DIAPH1: variants seen among roughly 807,000 people sequenced by gnomAD.
DIAPH1 encodes the protein protein diaphanous homolog 1.
A neutral mutation model predicts 140.7 loss-of-function variants in DIAPH1; 46 were observed. The ratio of observed to expected loss-of-function variants is 0.33; its 90% CI spans 0.26 to 0.42. The LOEUF is 0.42. DIAPH1 is among the 10% of genes least tolerant of loss of function. The probability of loss-of-function intolerance (pLI) is 1.00; values close to 1 mark genes in which losing one functional copy is unlikely to be tolerated. For missense variants in DIAPH1, 1,310 were observed against 1,558.7 expected (o/e 0.84, Z 2.69); for synonymous variants, 565 against 551.6 (o/e 1.02, Z -0.34).
chr5:141,580,993 TG>T, intron 7 of DIAPH1, 110 bp from the exon 8 acceptor site: 1 of 1,325,576 alleles, frequency 7.5e-7, no homozygotes, highest in Non-Finnish European at 1.1e-6. Context: ...ATTCCAGTGT[TG>T]AAGTCCCAAC....
Position 141,618,815 on chromosome 5 carries a change from C to T in DIAPH1, c.100G>A (p.Gly34Ser), listed in dbSNP as rs1297873125. Residue 34 changes from glycine (G) to serine (S), a missense_variant, in exon 1 of 28, where the codon GGC (glycine) becomes AGC (serine). By Grantham distance (56) the Gly-to-Ser change is moderately conservative. Transcript: ENST00000389054. ...DELPSAGGDG[G>S]KSKKFTLKRL... ...ACACTCACAAATTTCTTAGATTTGC[C>T]GCCGTCGCCGCCCGCCGAGGGCAGC... 4 of 1,546,130 alleles carry T rather than the reference C, an allele frequency of 2.6e-6. No homozygotes were observed. Among genetic ancestry groups the T allele is most frequent in the South Asian group, 2.4e-5 (2 of 83,068 alleles).
intron 16 of DIAPH1, among the ~76,000 whole-genome samples, chr5:141,572,819 T>C (rs1318313207): frequency 6.6e-6 from 1 of 150,740 alleles, no homozygotes; most frequent in Non-Finnish European, 1.5e-5. Context: ...GGAATTGGGA[T>C]AGGAGAGTGG....
intron 18 of DIAPH1, among the ~76,000 whole-genome samples, chr5:141,570,052 C>A (rs1330272317): frequency 4.0e-5 from 6 of 150,716 alleles, no homozygotes; most frequent in African/African-American, 1.5e-4. Flanking sequence ...TACCATATCC[C>A]AATTCATAAT....
At chr5:141,541,364 T>G (rs1470760940) in intron 18 of DIAPH1, among the ~76,000 whole-genome samples, 1 of 152,178 alleles carries the variant, frequency 6.6e-6, no homozygotes, top group Non-Finnish European at 1.5e-5. Flanking sequence ...AGATGTTTGC[T>G]CTCACTACTC....
chr5:141,563,310 G>A (rs1350345922), intron 18 of DIAPH1: 1 of 152,192 alleles, frequency 6.6e-6, no homozygotes, highest in African/African-American at 2.4e-5. Flanking sequence ...AACAGAAAAT[G>A]TTGAATTGTT....
In DIAPH1 at chr5:141,573,688, G is replaced by C. The variant is rs373520931; in HGVS notation, c.2162C>G (p.Pro721Arg). ...AGGTGGAGGGATTCCAGGACCACCA[G>C]GAAGAGGGGGAGGAGGAGGTGGCAT... ...AGMPPPPPPL[P>R]GGPGIPPPPP... The change falls in exon 16 of 28, where the codon CCT (proline) becomes CGT (arginine). Residue 721 changes from proline (P) to arginine (R), a missense_variant. By Grantham distance (103) the Pro-to-Arg change is moderately radical. Coordinates refer to ENST00000389054, the MANE Select transcript of DIAPH1 (RefSeq NM_005219.5). 1.9e-6 allele frequency: 3 copies of C among 1,605,456 alleles called. No homozygotes were observed. The highest frequency in any genetic ancestry group is 2.7e-5 in the African/African-American group (2 of 74,454).
chr5:141,543,683 G>A (rs2099890342), intron 18 of DIAPH1, among the ~76,000 whole-genome samples: 1 of 152,176 alleles, frequency 6.6e-6, no homozygotes, highest in African/African-American at 2.4e-5. Context: ...TAAGAAAGAT[G>A]TTTGGTAAGT....
chr5:141,614,801 C>A (rs560015258), intron 1 of DIAPH1, among the ~76,000 whole-genome samples: 2 of 128,442 alleles, frequency 1.6e-5, no homozygotes, highest in African/African-American at 6.6e-5. Context: ...ATAATCCTTG[C>A]GTTCATCATC....
intron 2 of DIAPH1, 25 bp downstream of exon 2, chr5:141,588,199 C>T: frequency 1.3e-6 from 2 of 1,599,750 alleles, no homozygotes; most frequent in Non-Finnish European, 1.7e-6. Context: ...CTAGAACATG[C>T]ACATGCTAAA....
rs1223524665 is a variant in DIAPH1 at position 141,529,198 on chromosome 5, C to T, written c.2752G>A (p.Ala918Thr). The T allele has an allele frequency of 6.2e-7, 1 of 1,614,138 alleles. No homozygotes were observed. The highest frequency in any genetic ancestry group is 8.5e-7 in the Non-Finnish European group (1 of 1,180,018). Residue 918 changes from alanine to threonine, a missense_variant, in exon 21 of 28, where the codon GCT (alanine) becomes ACT (threonine). Physicochemically the swap from Ala to Thr is moderately conservative, Grantham distance 58. Coordinates refer to ENST00000389054, the MANE Select transcript of DIAPH1 (RefSeq NM_005219.5). ...SELKDEYDDL[A>T]ESEQFGVVMG... is the part of the protein sequence containing the mutation. Reference sequence around the variant, plus strand: ...ACCACGCCAAACTGCTCTGACTCAGCCAGGTCATCATATTCATCCTTCAGT... The same window carrying T: ...ACCACGCCAAACTGCTCTGACTCAGTCAGGTCATCATATTCATCCTTCAGT...
chr5:141,527,508 C>T lies in DIAPH1; in HGVS notation c.3273+65G>A, dbSNP rs192765219. The stretch of plus-strand genomic sequence containing the variant: ...ATACTGCCCTATCTATCCTGTTTTT[C>T]CCCCACTACAGGAAGTTTTCTTTCC... On this transcript the variant is annotated intron_variant, in intron 24 of 27. Coordinates refer to ENST00000389054, the MANE Select transcript of DIAPH1 (RefSeq NM_005219.5). 1.3e-3 allele frequency: 2,089 copies of T among 1,569,356 alleles called. 32 individuals carry two copies. The African/African-American group carries it at 0.026, about 19-fold the overall frequency.
At chr5:141,584,613 AG>A (rs1022327017) in intron 3 of DIAPH1, among the ~76,000 whole-genome samples, 2 of 152,224 alleles carry the variant, frequency 1.3e-5, no homozygotes, top group Non-Finnish European at 2.9e-5. Flanking sequence ...CAAAATCAAC[AG>A]CAACAAACTC....
intron 1 of DIAPH1, among the ~76,000 whole-genome samples, chr5:141,604,481 T>A (rs2099900632): frequency 6.6e-6 from 1 of 152,194 alleles, no homozygotes; most frequent in Non-Finnish European, 1.5e-5. Flanking sequence ...AGGAATGCTG[T>A]TTCCCAATCG....
intron 18 of DIAPH1, among the ~76,000 whole-genome samples, chr5:141,539,435 T>TG (rs1554202802): frequency 6.7e-6 from 1 of 149,772 alleles, no homozygotes. Flanking sequence ...TTTTTGTTTT[T>TG]TTTTTTTGGT....
At chr5:141,531,785 G>C (rs2099888273) in intron 19 of DIAPH1, among the ~76,000 whole-genome samples, 1 of 152,098 alleles carries the variant, frequency 6.6e-6, no homozygotes, top group Non-Finnish European at 1.5e-5. Context: ...ACTGCACCTA[G>C]CCTAATTCTA....
At chr5:141,578,004 A>G (rs2099896208) in intron 11 of DIAPH1, 1 of 613,120 alleles carries the variant, frequency 1.6e-6, no homozygotes, top group East Asian at 2.8e-5. Context: ...GATGGCTTCC[A>G]TGCTCAACAA....
At chr5:141,602,017 C>T (rs1386785143) in intron 1 of DIAPH1, among the ~76,000 whole-genome samples, 1 of 152,132 alleles carries the variant, frequency 6.6e-6, no homozygotes, top group African/African-American at 2.4e-5. Flanking sequence ...CTTTCATATC[C>T]TAATCTACCT....
chr5:141,538,964 G>T (rs1187868871), intron 18 of DIAPH1, among the ~76,000 whole-genome samples: 1 of 151,970 alleles, frequency 6.6e-6, no homozygotes, highest in Non-Finnish European at 1.5e-5. Flanking sequence ...TGCCATCAGG[G>T]TAATACTAGC....
Position 141,573,597 on chromosome 5 carries a change from G to C in DIAPH1, c.2253C>G (p.Pro751=). 1.2e-6 allele frequency: 2 copies of C among 1,613,996 alleles called. No homozygotes were observed. The highest frequency in any genetic ancestry group is 1.1e-5 in the South Asian group (1 of 91,070). Residue 751 remains proline (P), a synonymous_variant, in exon 16 of 28, where the codon CCC becomes CCG. Transcript: ENST00000389054. ...PPPGMGMPPP[P]PFGFGVPAAP... is the part of the protein sequence containing the mutation. ...CTGCAGGAACTCCAAATCCAAATGG[G>C]GGAGGTGGAGGCATACCCATTCCGG...
Sources: gnomAD v4.1 joint callset for allele counts (sites outside exome capture counted in the v4.1 genomes callset) on GRCh38, gnomAD v4.1.1 for gene constraint, MANE v1.5 for transcripts, NCBI Gene and HGNC (gene_info 2026-07-23, HGNC 2026-07-21) for gene names.